Variants in MICU2 observed in about 807,000 individuals in gnomAD.
MICU2 encodes the protein calcium uptake protein 2, mitochondrial.
MICU2 carries 64 observed loss-of-function variants against 60.4 expected under a neutral mutation model. The observed-to-expected ratio is 1.06, with a 90% confidence interval of 0.87 to 1.31. The LOEUF (loss-of-function observed/expected upper bound fraction) is 1.31. Ranked by LOEUF, MICU2 falls within the 50% of genes most tolerant of loss-of-function variation. The pLI is 0.00. For missense variants in MICU2, 569 were observed against 531.0 expected, an observed-to-expected ratio of 1.07 and a Z score of -0.70; for synonymous variants, 201 against 175.0, an observed-to-expected ratio of 1.15 and a Z score of -1.17.
At chr13:21,557,427 C>T (rs1887734764) in intron 2 of MICU2, among the ~76,000 whole-genome samples, 3 of 152,126 alleles carry the variant, frequency 2.0e-5, no homozygotes, top group South Asian at 2.1e-4. Context: ...CTGAGGATGA[C>T]ACTGATTTCC....
At chr13:21,563,494 C>T (rs907192061) in intron 2 of MICU2, among the ~76,000 whole-genome samples, 4 of 151,896 alleles carry the variant, frequency 2.6e-5, no homozygotes, top group South Asian at 2.1e-4. Context: ...TATGATACAC[C>T]TAGGCATTTA....
intron 2 of MICU2, among the ~76,000 whole-genome samples, chr13:21,552,432 A>T (rs1289057499): frequency 6.6e-6 from 1 of 152,038 alleles, no homozygotes; most frequent in African/African-American, 2.4e-5. Context: ...TCTTGAGTTT[A>T]ATTAGATCCC....
At chr13:21,579,469 T>C (rs919029291) in intron 1 of MICU2, among the ~76,000 whole-genome samples, 6 of 151,840 alleles carry the variant, frequency 4.0e-5, no homozygotes, top group African/African-American at 1.2e-4. Flanking sequence ...GCCTCCTGAG[T>C]AGCTGGGATT....
intron 8 of MICU2, 148 bp downstream of exon 8, chr13:21,509,856 C>T: frequency 2.3e-6 from 1 of 437,566 alleles, no homozygotes; most frequent in East Asian, 4.0e-5. Flanking sequence ...AGGTTTAGTT[C>T]TCAGAGATAA....
At chr13:21,598,771 C>G (rs1234483612) in intron 1 of MICU2, among the ~76,000 whole-genome samples, 2 of 152,130 alleles carry the variant, frequency 1.3e-5, no homozygotes, top group African/African-American at 2.4e-5. Flanking sequence ...GTCTCATCAT[C>G]TACTGTTGAG....
intron 9 of MICU2, among the ~76,000 whole-genome samples, chr13:21,499,012 G>A (rs1030221777): frequency 2.0e-5 from 3 of 151,668 alleles, no homozygotes; most frequent in Non-Finnish European, 4.4e-5. Context: ...GTGCAGTGGC[G>A]TGATCTTGGC....
At chr13:21,551,651 C>T (rs1447398664) in intron 2 of MICU2, among the ~76,000 whole-genome samples, 6 of 144,380 alleles carry the variant, frequency 4.2e-5, no homozygotes, top group Admixed American at 1.5e-4. Context: ...CGTGTTCTCA[C>T]TGTTCAATTC....
At chr13:21,587,252 A>G (rs1392203439) in intron 1 of MICU2, among the ~76,000 whole-genome samples, 6 of 152,312 alleles carry the variant, frequency 3.9e-5, no homozygotes, top group African/African-American at 1.4e-4. Context: ...TAAATGAATA[A>G]ATGAGTAAAC....
In MICU2 at chr13:21,493,046, C is replaced by A; in HGVS notation, c.*203G>T. 2.7e-6 allele frequency: 1 copy of A among 370,938 alleles called. No homozygotes were observed. Among genetic ancestry groups the A allele is most frequent in the South Asian group, 4.8e-5 (1 of 20,968 alleles). 23.0% of individuals were successfully genotyped at this position (370,938 alleles called of 1,614,324 possible). A position where few individuals can be genotyped will look rare whatever the true frequency, so the allele number is the denominator to read the frequency against. ...ATTATTTCAAATCTAGGCCTTCTGACAGAATCCAATATCTATTTTTATACT... is the reference window on the plus strand; with the variant it reads ...ATTATTTCAAATCTAGGCCTTCTGAAAGAATCCAATATCTATTTTTATACT... On this transcript the variant is annotated 3_prime_UTR_variant, in exon 12 of 12. Transcript: ENST00000382374.
chr13:21,599,581 C>T (rs1888769836), intron 1 of MICU2, among the ~76,000 whole-genome samples: 1 of 152,180 alleles, frequency 6.6e-6, no homozygotes, highest in Non-Finnish European at 1.5e-5. Flanking sequence ...ATTTTGTTGG[C>T]CAGGTATAAC....
At chr13:21,501,470 A>T (rs9552440) in intron 9 of MICU2, among the ~76,000 whole-genome samples, 3 of 151,940 alleles carry the variant, frequency 2.0e-5, no homozygotes, top group East Asian at 3.9e-4. Flanking sequence ...CACCGTGTTA[A>T]CCAGGATGGT....
At chr13:21,601,598 G>C (rs1323589751) in intron 1 of MICU2, among the ~76,000 whole-genome samples, 1 of 150,378 alleles carries the variant, frequency 6.6e-6, no homozygotes, top group African/African-American at 2.5e-5. Flanking sequence ...AATCAAGTCA[G>C]GGATTTCAAA....
intron 1 of MICU2, among the ~76,000 whole-genome samples, chr13:21,574,916 C>T (rs927114044): frequency 6.6e-6 from 1 of 152,182 alleles, no homozygotes; most frequent in African/African-American, 2.4e-5. Flanking sequence ...AAACAAAATA[C>T]TGCCAGACTA....
At chr13:21,586,263 T>C (rs892325011) in intron 1 of MICU2, among the ~76,000 whole-genome samples, 1 of 152,248 alleles carries the variant, frequency 6.6e-6, no homozygotes, top group African/African-American at 2.4e-5. Context: ...TATCCGTTTT[T>C]TTCTTTAAGC....
intron 4 of MICU2, among the ~76,000 whole-genome samples, chr13:21,525,181 A>ATTTTTTTTTTTTT (rs71093324): frequency 8.4e-5 from 7 of 83,300 alleles, no homozygotes; most frequent in African/African-American, 3.6e-4. Context: ...GTGTAATTCA[A>ATTTTTTTTTTTTT]TTTTTTTTTT....
At chr13:21,531,354 CT>C in intron 4 of MICU2, 1 of 1,446,792 alleles carries the variant, frequency 6.9e-7, no homozygotes, top group Non-Finnish European at 9.6e-7. Flanking sequence ...TGATGGAATG[CT>C]TTTATTTTTT....
chr13:21,498,563 G>C (rs1003637366), intron 9 of MICU2, among the ~76,000 whole-genome samples: 3 of 151,866 alleles, frequency 2.0e-5, no homozygotes, highest in Admixed American at 2.0e-4. Flanking sequence ...ATTTTCAGTA[G>C]AGATGGGGTT....
At chr13:21,587,367 G>T (rs952896884) in intron 1 of MICU2, among the ~76,000 whole-genome samples, 1 of 152,176 alleles carries the variant, frequency 6.6e-6, no homozygotes, top group Admixed American at 6.5e-5. Context: ...AAACCTGACA[G>T]ATGTCTTCTT....
chr13:21,517,706 G>A (rs1281587646), intron 6 of MICU2, among the ~76,000 whole-genome samples: 1 of 152,062 alleles, frequency 6.6e-6, no homozygotes, highest in East Asian at 1.9e-4. Flanking sequence ...GAGCCCGGGA[G>A]GCAGAGGTTG....
Sources: gnomAD v4.1 joint callset for allele counts (sites outside exome capture counted in the v4.1 genomes callset) on GRCh38, gnomAD v4.1.1 for gene constraint, MANE v1.5 for transcripts, NCBI Gene and HGNC (gene_info 2026-07-23, HGNC 2026-07-21) for gene names.